DOC2B: variants seen among roughly 807,000 people sequenced by gnomAD.
DOC2B encodes double C2 domain beta.
Under a neutral mutation model 28.9 loss-of-function variants are expected in DOC2B, and 21 were observed. That is an observed-to-expected ratio of 0.73 (90% CI 0.52 to 1.05). The LOEUF is 1.05. Ranked by LOEUF, DOC2B falls within the 50% of genes least tolerant of loss-of-function variation. The pLI, the probability that DOC2B is intolerant of heterozygous loss-of-function variation, is 0.00. For synonymous variants in DOC2B, 194 were observed against 178.1 expected (o/e 1.09, Z -0.71); for missense variants, 384 against 421.1 (o/e 0.91, Z 0.77).
Position 161,524 on chromosome 17 carries a change from T to C in DOC2B, c.656A>G (p.Glu219Gly). ...GAACTCATTGTGCCGGAATTTGTCC[T>C]CGTCACACACAGAGATCCTAGAGGG... ...RKTLRISVCD[E>G]DKFRHNEFIG... Residue 219 changes from glutamate to glycine, a missense_variant, in exon 5 of 9, where the codon GAG becomes GGG. Coordinates refer to ENST00000613549, the MANE Select transcript of DOC2B (RefSeq NM_003585.5). The C allele has an allele frequency of 6.4e-7, 1 of 1,551,698 alleles. No individual in the cohort carries two copies. Among genetic ancestry groups the C allele is most frequent in the Middle Eastern group, 1.7e-4 (1 of 5,990 alleles).
At chr17:177,366 G>C (rs1597837327) in intron 1 of DOC2B, among the ~76,000 whole-genome samples, 1 of 152,162 alleles carries the variant, frequency 6.6e-6, no homozygotes, top group South Asian at 2.1e-4. Flanking sequence ...GACCACTTTG[G>C]CCTCCTCATA....
chr17:176,109 A>G (rs1004492779), intron 1 of DOC2B, among the ~76,000 whole-genome samples: 13 of 152,158 alleles, frequency 8.5e-5, no homozygotes, highest in African/African-American at 2.7e-4. Flanking sequence ...GGAGCTGCTC[A>G]GCGTGGCCCA....
chr17:148,509 G>C (rs960680263), intron 7 of DOC2B, among the ~76,000 whole-genome samples: 5 of 152,042 alleles, frequency 3.3e-5, no homozygotes, highest in South Asian at 2.1e-4. Context: ...CACACCCCGG[G>C]AGCCTCCTGA....
intron 1 of DOC2B, among the ~76,000 whole-genome samples, chr17:180,249 G>GT (rs760271163): frequency 1.3e-5 from 2 of 152,218 alleles, no homozygotes; most frequent in Non-Finnish European, 2.9e-5. Context: ...TCCGGCCTCG[G>GT]TTTCCCAGCC....
intron 2 of DOC2B, among the ~76,000 whole-genome samples, chr17:165,848 C>T (rs549920931): frequency 1.3e-5 from 2 of 152,356 alleles, no homozygotes; most frequent in East Asian, 3.9e-4. Context: ...CAGGCGGTGC[C>T]TGACTGCTGT....
intron 2 of DOC2B, among the ~76,000 whole-genome samples, chr17:172,186 C>T (rs957230403): frequency 1.3e-4 from 20 of 152,058 alleles, no homozygotes; most frequent in Non-Finnish European, 2.2e-4. Flanking sequence ...CCTGGAGGCA[C>T]CAGTACCCAA....
rs866328837 is a variant in DOC2B at position 156,238 on chromosome 17, G to A, written c.905C>T (p.Ser302Leu). 4 of 1,550,868 alleles carry A rather than the reference G, an allele frequency of 2.6e-6. No individual in the cohort carries two copies. The highest frequency in any genetic ancestry group is 1.7e-4 in the Middle Eastern group (1 of 5,980). ...CACTCACGTTTTCACGTAGGGGTCC[G>A]AGTAGCCGTTGGCGTCCATGGCGGC... ...HLAAMDANGY[S>L]DPYVKTYLRP... The change falls in exon 6 of 9, where the codon TCG (serine) becomes TTG (leucine). Residue 302 changes from serine (S) to leucine (L), a missense_variant. Coordinates refer to ENST00000613549, the MANE Select transcript of DOC2B (RefSeq NM_003585.5).
chr17:169,166 C>G (rs1006006182), intron 2 of DOC2B, among the ~76,000 whole-genome samples: 18 of 152,166 alleles, frequency 1.2e-4, no homozygotes, highest in South Asian at 4.1e-4. Flanking sequence ...AGTTTTGACA[C>G]GTGCTGCAAT....
intron 2 of DOC2B, 91 bp from the exon 3 acceptor site, chr17:164,295 G>A (rs2040237713): frequency 3.9e-6 from 4 of 1,031,438 alleles, no homozygotes; most frequent in Admixed American, 2.1e-5. Context: ...GGGTCTCCTG[G>A]CTGGGCCCAT....
At chr17:174,438 G>C (rs1358447475) in intron 1 of DOC2B, among the ~76,000 whole-genome samples, 2 of 152,206 alleles carry the variant, frequency 1.3e-5, no homozygotes, top group Non-Finnish European at 2.9e-5. Context: ...CTAGCTAACA[G>C]TACTGGCTTC....
intron 1 of DOC2B, among the ~76,000 whole-genome samples, chr17:174,344 T>A (rs887850246): frequency 6.6e-6 from 1 of 152,216 alleles, no homozygotes. Context: ...AACGATAGTA[T>A]CCACCTCACA....
intron 6 of DOC2B, among the ~76,000 whole-genome samples, chr17:152,505 CA>C (rs1306593479): frequency 1.3e-5 from 2 of 152,166 alleles, no homozygotes; most frequent in Non-Finnish European, 2.9e-5. Context: ...TGGTGGCTTG[CA>C]CCTGTAATCC....
intron 1 of DOC2B, among the ~76,000 whole-genome samples, chr17:173,883 C>T (rs183303960): frequency 6.6e-6 from 1 of 152,226 alleles, no homozygotes; most frequent in Non-Finnish European, 1.5e-5. Context: ...CAACCTGGAT[C>T]TAGATCCAAT....
At chr17:163,011 T>G (rs1267777971) in intron 3 of DOC2B, among the ~76,000 whole-genome samples, 1 of 152,160 alleles carries the variant, frequency 6.6e-6, no homozygotes, top group Non-Finnish European at 1.5e-5. Flanking sequence ...CAGCCTGGGC[T>G]TCCAATTCCA....
At chr17:169,732 AC>A (rs1357306101) in intron 2 of DOC2B, among the ~76,000 whole-genome samples, 1 of 151,822 alleles carries the variant, frequency 6.6e-6, no homozygotes. Context: ...TCCAGCCCCC[AC>A]CCTGGCCCTC....
At chr17:149,362 T>C (rs2040048224) in intron 6 of DOC2B, among the ~76,000 whole-genome samples, 170 bp from the exon 7 acceptor site, 1 of 152,170 alleles carries the variant, frequency 6.6e-6, no homozygotes, top group Admixed American at 6.5e-5. Context: ...GGCGAGACGT[T>C]GTTTTCGAGA....
Position 156,365 on chromosome 17 carries a change from C to T in DOC2B, c.778G>A (p.Glu260Lys), listed in dbSNP as rs947976335. 1.5e-5 allele frequency: 24 copies of T among 1,551,426 alleles called. No individual in the cohort carries two copies. The African/African-American group carries it at 1.6e-4, about 11-fold the overall frequency. The change falls in exon 6 of 9, where the codon GAA (glutamate) becomes AAA (lysine). Residue 260 changes from glutamate to lysine, a missense_variant. Glu to Lys is a moderately conservative substitution (Grantham distance 56). Transcript: ENST00000613549. ...LEKQLPVDKT[E>K]DKSLEERGRI... Reference sequence around the variant, plus strand: ...CCCCGCTCCTCCAGGGACTTGTCTTCAGTCTTGTCCACCTGTTGGACGGGA... The same window carrying T: ...CCCCGCTCCTCCAGGGACTTGTCTTTAGTCTTGTCCACCTGTTGGACGGGA...
rs909273616 is a variant in DOC2B, at chr17:143,757, T to G, written c.*3684A>C. 1 of 152,030 alleles carries G rather than the reference T, an allele frequency of 6.6e-6. No homozygotes were observed. Among genetic ancestry groups the G allele is most frequent in the Non-Finnish European group, 1.5e-5 (1 of 67,994 alleles). The allele number at this position is 152,030 out of a possible 1,614,324, so 9.4% of individuals were successfully genotyped here. ...ATTATAAATATTAACAAATAAGACTTAAAAAGGACACCTTCGGGTAGGTCA... is the reference window on the plus strand; with the variant it reads ...ATTATAAATATTAACAAATAAGACTGAAAAAGGACACCTTCGGGTAGGTCA... On this transcript the variant is annotated 3_prime_UTR_variant, in exon 9 of 9. Transcript: ENST00000613549.
intron 5 of DOC2B, among the ~76,000 whole-genome samples, chr17:157,502 C>T (rs148031487): frequency 0.033 from 5,092 of 152,324 alleles, 114 homozygotes; most frequent in Non-Finnish European, 0.049. Context: ...ACTCTTGTCA[C>T]CCAGGCTGGA....
Sources: gnomAD v4.1 joint callset for allele counts (sites outside exome capture counted in the v4.1 genomes callset) on GRCh38, gnomAD v4.1.1 for gene constraint, MANE v1.5 for transcripts, NCBI Gene and HGNC (gene_info 2026-07-23, HGNC 2026-07-21) for gene names.